PTPN14: variants seen among roughly 807,000 people sequenced by gnomAD.
PTPN14 encodes the protein protein tyrosine phosphatase non-receptor type 14.
PTPN14 carries 53 observed loss-of-function variants against 126.8 expected under a neutral mutation model. That is an observed-to-expected ratio of 0.42 (90% CI 0.34 to 0.53). The LOEUF is 0.53. PTPN14 is among the 20% of genes least tolerant of loss of function. The probability of loss-of-function intolerance (pLI) is 0.08; values close to 1 mark genes in which losing one functional copy is unlikely to be tolerated. For synonymous variants in PTPN14, 630 were observed against 599.3 expected (o/e 1.05, Z -0.75); for missense variants, 1,257 against 1,552.9 (o/e 0.81, Z 3.20).
At chr1:214,436,566 G>A (rs1245203134) in intron 3 of PTPN14, among the ~76,000 whole-genome samples, 1 of 152,100 alleles carries the variant, frequency 6.6e-6, no homozygotes, top group African/African-American at 2.4e-5. Context: ...GGAGGCTGAG[G>A]CGGGCAGATC....
chr1:214,526,257 C>T (rs1392814526), intron 1 of PTPN14, among the ~76,000 whole-genome samples: 2 of 152,174 alleles, frequency 1.3e-5, no homozygotes, highest in Non-Finnish European at 2.9e-5. Flanking sequence ...TGAGCCACCA[C>T]GCCCGGCCAA....
chr1:214,498,791 AT>A (rs548043232), intron 1 of PTPN14, among the ~76,000 whole-genome samples: 4 of 151,416 alleles, frequency 2.6e-5, no homozygotes, highest in African/African-American at 9.7e-5. Context: ...ACCCTTTAAA[AT>A]TTTTTTTTCC....
intron 3 of PTPN14, among the ~76,000 whole-genome samples, chr1:214,448,792 C>G (rs1460510780): frequency 1.3e-5 from 2 of 152,116 alleles, no homozygotes; most frequent in African/African-American, 4.8e-5. Flanking sequence ...GACCAGTGCT[C>G]TCACCCTTTT....
chr1:214,471,590 G>C lies in PTPN14; in HGVS notation c.-154-6633C>G, dbSNP rs565666955. Reference sequence around the variant, plus strand: ...TGTGCAAAGAGGAAATTGAGTACTTGACCTACTGTAGAGAAAGTCTTTTAA... The same window carrying C: ...TGTGCAAAGAGGAAATTGAGTACTTCACCTACTGTAGAGAAAGTCTTTTAA... On this transcript the variant is annotated intron_variant, in intron 1 of 18. Coordinates refer to ENST00000366956, the MANE Select transcript of PTPN14 (RefSeq NM_005401.5). Among the ~76,000 whole-genome samples, 8 of 152,298 alleles carry C rather than the reference G, an allele frequency of 5.3e-5. No individual in the cohort carries two copies. In the East Asian group the frequency reaches 1.2e-3, roughly 22 times the overall value.
chr1:214,457,020 T>C (rs1431508457), intron 2 of PTPN14, among the ~76,000 whole-genome samples: 1 of 152,218 alleles, frequency 6.6e-6, no homozygotes, highest in Admixed American at 6.5e-5. Flanking sequence ...TTGCATTTAA[T>C]TGAGTACCCC....
At chr1:214,526,999 G>A (rs926835606) in intron 1 of PTPN14, among the ~76,000 whole-genome samples, 2 of 152,006 alleles carry the variant, frequency 1.3e-5, no homozygotes, top group African/African-American at 4.8e-5. Flanking sequence ...GCTGAGTCAG[G>A]AGAATCACTT....
intron 1 of PTPN14, among the ~76,000 whole-genome samples, chr1:214,518,839 G>A (rs968794836): frequency 6.6e-6 from 1 of 152,190 alleles, no homozygotes. Context: ...TTATGTTCAG[G>A]CAGCAAGATA....
chr1:214,507,670 G>A (rs73077953), intron 1 of PTPN14, among the ~76,000 whole-genome samples: 6,818 of 152,054 alleles, frequency 0.045, 517 homozygotes, highest in African/African-American at 0.15. Context: ...GGCATATCTC[G>A]GAGACATTGT....
chr1:214,402,849 G>T, intron 6 of PTPN14, 34 bp downstream of exon 6: 1 of 1,606,212 alleles, frequency 6.2e-7, no homozygotes, highest in Non-Finnish European at 8.5e-7. Flanking sequence ...AACATCTGTT[G>T]TGCAGGCAGC....
rs144474659 is a variant in PTPN14 at position 214,350,548 on chromosome 1, T to G, written c.*7374A>C. 1 of 140,210 alleles carries G rather than the reference T, an allele frequency of 7.1e-6. No individual in the cohort carries two copies. The highest frequency in any genetic ancestry group is 1.5e-5 in the Non-Finnish European group (1 of 65,038). 8.7% of individuals were successfully genotyped at this position (140,210 alleles called of 1,614,324 possible). ...TCCGCCAGATCTTTTTTTTTTTTTTTTTTTTTTTTTGAGACAAAGTCTCAC... is the reference window on the plus strand; with the variant it reads ...TCCGCCAGATCTTTTTTTTTTTTTTGTTTTTTTTTTGAGACAAAGTCTCAC... On this transcript the variant is annotated 3_prime_UTR_variant, in exon 19 of 19. Transcript: ENST00000366956.
At chr1:214,367,984 C>T (rs1365860441) in intron 17 of PTPN14, among the ~76,000 whole-genome samples, 1 of 152,078 alleles carries the variant, frequency 6.6e-6, no homozygotes. Flanking sequence ...TCTAATATAA[C>T]CACATTCTAA....
chr1:214,391,095 A>G, intron 10 of PTPN14, 50 bp from the exon 11 acceptor site: 1 of 1,392,996 alleles, frequency 7.2e-7, no homozygotes, highest in South Asian at 1.4e-5. Flanking sequence ...TTGATATAAA[A>G]AGACCAGATA....
rs1657647495 is a variant in PTPN14 at position 214,348,729 on chromosome 1, T to C, written c.*9193A>G. ...CTCTGAAAAAAAGGTTTATTGCATA[T>C]GGAAATCAATAGATATCTTTTACAA... is the stretch of plus-strand genomic sequence containing the variant. On this transcript the variant is annotated 3_prime_UTR_variant, in exon 19 of 19. Coordinates refer to ENST00000366956, the MANE Select transcript of PTPN14 (RefSeq NM_005401.5). The C allele has an allele frequency of 6.6e-6, 1 of 152,162 alleles. No individual in the cohort carries two copies. The highest frequency in any genetic ancestry group is 1.9e-4 in the East Asian group (1 of 5,196). 9.4% of individuals were successfully genotyped at this position (152,162 alleles called of 1,614,324 possible).
rs150838735 is a variant in PTPN14, at chr1:214,372,498, G to A, written c.3036+213C>T. 1.4e-3 allele frequency: 860 copies of A among 632,538 alleles called. 10 individuals are homozygous for A. In the African/African-American group the frequency reaches 0.014, roughly 11 times the overall value. 39.2% of individuals were successfully genotyped at this position (632,538 alleles called of 1,614,324 possible). ...AAGAGTTAAAAGCCAGATGAAAATG[G>A]GAGGAGGAAAAGCTACAACAATCAA... On this transcript the variant is annotated intron_variant, in intron 16 of 18. Transcript: ENST00000366956.
intron 1 of PTPN14, among the ~76,000 whole-genome samples, chr1:214,534,489 G>A (rs996589093): frequency 2.0e-5 from 3 of 151,872 alleles, no homozygotes; most frequent in Admixed American, 6.6e-5. Flanking sequence ...CGAGGCGGGC[G>A]GATCACGAGG....
intron 1 of PTPN14, among the ~76,000 whole-genome samples, chr1:214,524,917 A>G (rs1476369427): frequency 6.6e-6 from 1 of 152,162 alleles, no homozygotes; most frequent in Admixed American, 6.5e-5. Context: ...TTATTTCAAA[A>G]TAAGTTATGA....
At chr1:214,533,173 C>A in intron 1 of PTPN14, 1 of 761,218 alleles carries the variant, frequency 1.3e-6, no homozygotes, top group Non-Finnish European at 2.3e-6. Flanking sequence ...CCGCTACACC[C>A]TGCAGATGGA....
intron 6 of PTPN14, 61 bp from the exon 7 acceptor site, chr1:214,401,833 T>C (rs972478967): frequency 2.2e-6 from 3 of 1,341,654 alleles, no homozygotes; most frequent in Non-Finnish European, 3.2e-6. Context: ...AAGATCCCAC[T>C]CTCCTGATGG....
chr1:214,501,330 C>G (rs1248330790), intron 1 of PTPN14, among the ~76,000 whole-genome samples: 1 of 152,146 alleles, frequency 6.6e-6, no homozygotes, highest in Non-Finnish European at 1.5e-5. Context: ...ACCTCCGCCT[C>G]CCAGGTTCAA....
Sources: allele counts gnomAD v4.1 joint callset (sites outside exome capture counted in the v4.1 genomes callset), GRCh38; gene constraint gnomAD v4.1.1; transcripts MANE v1.5; gene names NCBI Gene and HGNC (gene_info 2026-07-23, HGNC 2026-07-21).